The following RBFOX1 variants were observed in gnomAD, a reference collection of about 807,000 sequenced individuals.
The protein encoded by RBFOX1 is RNA binding fox-1 homolog 1, also known as RNA binding protein fox-1 homolog 1.
A neutral mutation model predicts 57.7 loss-of-function variants in RBFOX1; 8 were observed. The observed-to-expected ratio is 0.14, with a 90% CI of 0.08 to 0.25. The LOEUF (loss-of-function observed/expected upper bound fraction) is 0.25, where lower values mean the gene tolerates loss of function less well. Among genes scored for constraint, RBFOX1 ranks in the 10% least tolerant of loss-of-function variants. RBFOX1 has a pLI of 1.00. For missense variants in RBFOX1, 611 were observed against 548.5 expected (o/e 1.11, Z -1.14); for synonymous variants, 326 against 222.4 (o/e 1.47, Z -4.15).
intron 4 of RBFOX1, among the ~76,000 whole-genome samples, chr16:7,271,225 C>G (rs921250069): frequency 1.3e-4 from 20 of 152,084 alleles, no homozygotes; most frequent in African/African-American, 4.8e-4. Context: ...CCATGCTTGC[C>G]TTTGTCTACA....
At chr16:5,507,952 G>A (rs1293127611) in intron 2 of RBFOX1, among the ~76,000 whole-genome samples, 2 of 152,142 alleles carry the variant, frequency 1.3e-5, no homozygotes, top group Non-Finnish European at 2.9e-5. Flanking sequence ...AGGCCATCTG[G>A]TTTGGGGTGA....
intron 3 of RBFOX1, among the ~76,000 whole-genome samples, chr16:6,859,485 C>T (rs148171154): frequency 2.0e-5 from 3 of 151,896 alleles, no homozygotes; most frequent in African/African-American, 7.3e-5. Flanking sequence ...CACTCTTGTT[C>T]AAGTCTACTG....
At chr16:7,602,758 C>A (rs980594867) in intron 9 of RBFOX1, among the ~76,000 whole-genome samples, 3 of 152,152 alleles carry the variant, frequency 2.0e-5, no homozygotes, top group Non-Finnish European at 2.9e-5. Flanking sequence ...TTACAGAATA[C>A]CTTTTCCAAC....
intron 4 of RBFOX1, among the ~76,000 whole-genome samples, chr16:7,076,400 C>G (rs1389684547): frequency 6.6e-6 from 1 of 151,572 alleles, no homozygotes; most frequent in Non-Finnish European, 1.5e-5. Flanking sequence ...TTGTCAAAAC[C>G]AGCAAAAGAA....
chr16:6,049,297 C>T (rs760868987), intron 1 of RBFOX1, among the ~76,000 whole-genome samples: 6 of 149,188 alleles, frequency 4.0e-5, no homozygotes, highest in African/African-American at 7.4e-5. Context: ...CTCCTGACTT[C>T]GGGTGATCCA....
chr16:6,808,597 T>C (rs2087564766), intron 3 of RBFOX1, among the ~76,000 whole-genome samples: 1 of 152,108 alleles, frequency 6.6e-6, no homozygotes, highest in African/African-American at 2.4e-5. Context: ...TCTCAGGGTG[T>C]TGGTAGTTGT....
intron 4 of RBFOX1, among the ~76,000 whole-genome samples, chr16:6,010,901 A>G (rs1447594712): frequency 6.6e-6 from 1 of 152,218 alleles, no homozygotes; most frequent in Non-Finnish European, 1.5e-5. Flanking sequence ...GAATAAATAG[A>G]AATAATAAAT....
At chr16:6,948,831 G>C (rs1200968625) in intron 3 of RBFOX1, among the ~76,000 whole-genome samples, 3 of 152,128 alleles carry the variant, frequency 2.0e-5, no homozygotes, top group Non-Finnish European at 4.4e-5. Context: ...GAGATGATTT[G>C]ATTTGTGTCA....
intron 4 of RBFOX1, among the ~76,000 whole-genome samples, chr16:5,982,035 T>C (rs979650936): frequency 2.0e-5 from 3 of 152,188 alleles, no homozygotes; most frequent in Non-Finnish European, 4.4e-5. Context: ...TTGAGGAGTC[T>C]GTCAAAAGGC....
chr16:7,357,925 G>C (rs954496713), intron 4 of RBFOX1, among the ~76,000 whole-genome samples: 1 of 152,060 alleles, frequency 6.6e-6, no homozygotes, highest in African/African-American at 2.4e-5. Flanking sequence ...GGAAGGAGTT[G>C]CTGTTTTTTA....
intron 4 of RBFOX1, among the ~76,000 whole-genome samples, chr16:7,446,534 G>A (rs996881917): frequency 1.3e-5 from 2 of 152,176 alleles, no homozygotes; most frequent in Non-Finnish European, 1.5e-5. Context: ...GAAGATTGAT[G>A]TTAATTGCAT....
intron 4 of RBFOX1, among the ~76,000 whole-genome samples, chr16:7,305,475 C>A (rs1274142913): frequency 1.3e-5 from 2 of 152,110 alleles, no homozygotes; most frequent in Non-Finnish European, 2.9e-5. Context: ...CCAGGATCTC[C>A]ATCCTATTCT....
At chr16:6,680,353 C>A (rs1000885538) in intron 3 of RBFOX1, among the ~76,000 whole-genome samples, 4 of 149,542 alleles carry the variant, frequency 2.7e-5, no homozygotes, top group Admixed American at 1.3e-4. Context: ...AGCTCCGCCT[C>A]CCGGGTTCAC....
intron 3 of RBFOX1, among the ~76,000 whole-genome samples, chr16:5,784,192 C>A (rs916669914): frequency 1.3e-5 from 2 of 152,110 alleles, no homozygotes; most frequent in African/African-American, 4.8e-5. Flanking sequence ...GAGGCTAAGG[C>A]AGGTGGATCA....
intron 3 of RBFOX1, among the ~76,000 whole-genome samples, chr16:7,027,834 A>C (rs962795885): frequency 4.6e-5 from 7 of 151,580 alleles, no homozygotes; most frequent in African/African-American, 1.7e-4. Context: ...AGGAAGGTGG[A>C]GGAGGTGGGA....
chr16:5,430,556 G>A (rs184349268), intron 1 of RBFOX1, among the ~76,000 whole-genome samples: 7 of 152,302 alleles, frequency 4.6e-5, no homozygotes, highest in Admixed American at 2.6e-4. Flanking sequence ...GGCGGTTCAT[G>A]AACCTGTCCA....
chr16:7,346,340 A>C (rs1331930736), intron 4 of RBFOX1, among the ~76,000 whole-genome samples: 1 of 151,728 alleles, frequency 6.6e-6, no homozygotes, highest in East Asian at 2.0e-4. Context: ...GCAGAGGAGC[A>C]TTCTACCCAA....
rs563502505 is a variant in RBFOX1 at position 5,832,216 on chromosome 16, T to C, written c.319-35087T>C. Among the ~76,000 whole-genome samples the C allele has an allele frequency of 6.6e-5, 10 of 152,326 alleles. No individual in the cohort carries two copies. In the South Asian group the frequency reaches 2.1e-3, roughly 32 times the overall value. On this transcript the variant is annotated intron_variant, in intron 3 of 19. Coordinates refer to the RBFOX1 transcript ENST00000641259. ...CAGGTAGGCTGGAGCTCAACAGATA[T>C]GGGGTAGCTCAGATCATGCCCCAGG... is the stretch of plus-strand genomic sequence containing the variant.
intron 2 of RBFOX1, among the ~76,000 whole-genome samples, chr16:5,533,581 C>T (rs1216956731): frequency 1.3e-5 from 2 of 152,138 alleles, no homozygotes; most frequent in Non-Finnish European, 2.9e-5. Context: ...GGCTGAAATC[C>T]CTCCTGGGCC....
Sources: allele counts gnomAD v4.1 joint callset (sites outside exome capture counted in the v4.1 genomes callset), GRCh38; gene constraint gnomAD v4.1.1; transcripts MANE v1.5; gene names NCBI Gene and HGNC (gene_info 2026-07-23, HGNC 2026-07-21).